The following RFX4 variants were observed in gnomAD, a reference collection of about 807,000 sequenced individuals.
RFX4 encodes the protein transcription factor RFX4.
A neutral mutation model predicts 95.0 loss-of-function variants in RFX4; 10 were observed. That is an observed-to-expected ratio of 0.11 (90% CI 0.06 to 0.18). The LOEUF is 0.18. Ranked by LOEUF, RFX4 falls within the 10% of genes least tolerant of loss-of-function variation. RFX4 has a pLI of 1.00. For missense variants in RFX4, 640 were observed against 922.0 expected, an observed-to-expected ratio of 0.69 and a Z score of 3.96; for synonymous variants, 321 against 340.7, an observed-to-expected ratio of 0.94 and a Z score of 0.64.
intron 2 of RFX4, 138 bp downstream of exon 2, chr12:106,609,021 A>G: frequency 2.9e-6 from 2 of 688,592 alleles, no homozygotes; most frequent in Non-Finnish European, 4.9e-6. Flanking sequence ...GAAATATCCC[A>G]GGTCCTCTCT....
Position 106,747,549 on chromosome 12 carries a change from T to G in RFX4, c.1746T>G (p.Ser582=), listed in dbSNP as rs1257181741. 6.2e-7 allele frequency: 1 copy of G among 1,614,148 alleles called. No individual in the cohort carries two copies. Among genetic ancestry groups the G allele is most frequent in the Admixed American group, 1.7e-5 (1 of 60,022 alleles). Residue 582 remains serine (S), a synonymous_variant, in exon 16 of 18, where the codon TCT becomes TCG. Transcript: ENST00000392842. ...GTATGAGGAACACTCATGTGCCTTC[T>G]TCCTCCGTCACACACAGGATACCAG... The part of the protein sequence containing the change: ...LPCMRNTHVP[S]SSVTHRIPVY...
At chr12:106,660,406 C>G (rs933628961) in intron 4 of RFX4, among the ~76,000 whole-genome samples, 3 of 151,760 alleles carry the variant, frequency 2.0e-5, no homozygotes, top group African/African-American at 4.8e-5. Flanking sequence ...CCTGGAAGGT[C>G]CATGGAAGCT....
At chr12:106,643,592 A>C (rs542641122) in intron 3 of RFX4, among the ~76,000 whole-genome samples, 1 of 152,324 alleles carries the variant, frequency 6.6e-6, no homozygotes, top group Admixed American at 6.5e-5. Flanking sequence ...TTTACAAGGA[A>C]AAGTGACATG....
chr12:106,699,586 A>G (rs1194645759), intron 8 of RFX4, among the ~76,000 whole-genome samples: 1 of 152,230 alleles, frequency 6.6e-6, no homozygotes, highest in Non-Finnish European at 1.5e-5. Context: ...TTAAATGCAT[A>G]CAAATTAGAA....
chr12:106,740,578 C>T (rs971434986), intron 15 of RFX4, among the ~76,000 whole-genome samples: 3 of 152,086 alleles, frequency 2.0e-5, no homozygotes, highest in Non-Finnish European at 2.9e-5. Flanking sequence ...TTCATTTGTT[C>T]ATTCATTCAA....
intron 11 of RFX4, 116 bp downstream of exon 11, chr12:106,715,660 C>G: frequency 9.4e-7 from 1 of 1,060,244 alleles, no homozygotes. Flanking sequence ...TCTCTTCCTC[C>G]TTATTGTTCC....
intron 4 of RFX4, among the ~76,000 whole-genome samples, chr12:106,674,222 G>T (rs962602515): frequency 7.2e-5 from 11 of 152,094 alleles, no homozygotes; most frequent in African/African-American, 2.7e-4. Context: ...CCTTCCCCCA[G>T]ATATCCACAA....
intron 3 of RFX4, among the ~76,000 whole-genome samples, chr12:106,642,538 C>T (rs750591750): frequency 2.6e-5 from 4 of 152,008 alleles, no homozygotes; most frequent in African/African-American, 4.8e-5. Flanking sequence ...ATCGCTTGAG[C>T]CTTGGAGATC....
intron 6 of RFX4, among the ~76,000 whole-genome samples, chr12:106,688,593 T>A (rs553806207): frequency 1.3e-5 from 2 of 152,330 alleles, no homozygotes; most frequent in African/African-American, 4.8e-5. Context: ...GAAAATGAAC[T>A]TGTATCTGTA....
chr12:106,603,330 T>C lies in RFX4; in HGVS notation c.44-5467T>C, dbSNP rs1432369125. On this transcript the variant is annotated intron_variant, in intron 1 of 17. Transcript: ENST00000392842. ...AGAGAATGAAGCCTTGTAGAAAACA[T>C]GATAACTATATATGGCTCTGCTCAA... is the stretch of plus-strand genomic sequence containing the variant. 2.6e-5 allele frequency among the ~76,000 whole-genome samples: 4 copies of C among 152,232 alleles called. No homozygotes were observed. The East Asian group carries it at 7.7e-4, about 29-fold the overall frequency.
chr12:106,732,002 A>G, intron 13 of RFX4, 128 bp from the exon 14 acceptor site: 2 of 1,354,908 alleles, frequency 1.5e-6, no homozygotes, highest in South Asian at 2.7e-5. Flanking sequence ...GGAGATCATA[A>G]TTGAGTGGAA....
chr12:106,637,722 T>G (rs1304637423), intron 2 of RFX4, among the ~76,000 whole-genome samples: 1 of 152,208 alleles, frequency 6.6e-6, no homozygotes, highest in Non-Finnish European at 1.5e-5. Context: ...AAATCCATGA[T>G]GAAATTGTGA....
At chr12:106,708,677 G>T (rs2042135278) in intron 8 of RFX4, among the ~76,000 whole-genome samples, 1 of 152,142 alleles carries the variant, frequency 6.6e-6, no homozygotes. Flanking sequence ...GTGAGCAGAT[G>T]GCTTTGATAG....
intron 2 of RFX4, among the ~76,000 whole-genome samples, chr12:106,636,659 C>T (rs1592878837): frequency 1.3e-5 from 2 of 152,248 alleles, no homozygotes; most frequent in Admixed American, 6.5e-5. Context: ...CATTCCGTTC[C>T]TGAGAACATT....
intron 1 of RFX4, among the ~76,000 whole-genome samples, chr12:106,595,752 A>G (rs887842137): frequency 3.3e-5 from 5 of 152,218 alleles, no homozygotes; most frequent in Admixed American, 1.3e-4. Context: ...TTTGTATAGC[A>G]TGTTACAGTC....
At chr12:106,615,237 CT>C (rs1179120424) in intron 2 of RFX4, among the ~76,000 whole-genome samples, 1 of 152,072 alleles carries the variant, frequency 6.6e-6, no homozygotes, top group Non-Finnish European at 1.5e-5. Context: ...GAAAAGGTCA[CT>C]CTTTAACCAC....
intron 2 of RFX4, among the ~76,000 whole-genome samples, chr12:106,616,690 C>T (rs971430732): frequency 6.6e-6 from 1 of 152,000 alleles, no homozygotes; most frequent in African/African-American, 2.4e-5. Flanking sequence ...TAAATTGTTA[C>T]TTTTAAGGAA....
At chr12:106,611,402 T>C (rs11113057) in intron 2 of RFX4, among the ~76,000 whole-genome samples, 142,584 of 151,808 alleles carry the variant, frequency 0.94, 67,092 homozygotes, top group East Asian at 1. Flanking sequence ...TGTTGTGAAG[T>C]TTTCGCCTTT....
Position 106,583,121 on chromosome 12 carries a change from C to G in RFX4, c.-200C>G. ...GCTCCCTTCTCTCCCTCTCTCTCCTCTTTTCTTCTTTCTCTTTTCTTTCCT... is the reference window on the plus strand; with the variant it reads ...GCTCCCTTCTCTCCCTCTCTCTCCTGTTTTCTTCTTTCTCTTTTCTTTCCT... On this transcript the variant is annotated 5_prime_UTR_variant, in exon 1 of 18. Transcript: ENST00000392842. The G allele has an allele frequency of 2.1e-6, 1 of 473,634 alleles. No homozygotes were observed. 29.3% of individuals were successfully genotyped at this position (473,634 alleles called of 1,614,324 possible). A position where few individuals can be genotyped will look rare whatever the true frequency, so the allele number is the denominator to read the frequency against.
Sources: gnomAD v4.1 joint callset for allele counts (sites outside exome capture counted in the v4.1 genomes callset) on GRCh38, gnomAD v4.1.1 for gene constraint, MANE v1.5 for transcripts, NCBI Gene and HGNC (gene_info 2026-07-23, HGNC 2026-07-21) for gene names.